ZCCHC14: variants seen among roughly 807,000 people sequenced by gnomAD.
ZCCHC14 encodes zinc finger CCHC-type containing 14, also known as zinc finger CCHC domain-containing protein 14.
In ZCCHC14, 16 loss-of-function variants were observed where a neutral mutation model predicts 85.0. The observed-to-expected ratio is 0.19, with a 90% confidence interval of 0.13 to 0.29. The LOEUF (loss-of-function observed/expected upper bound fraction) is 0.29. ZCCHC14 is among the 10% of genes least tolerant of loss of function. The pLI, the probability that ZCCHC14 is intolerant of heterozygous loss-of-function variation, is 1.00. For missense variants in ZCCHC14, 1,303 were observed against 1,443.5 expected (o/e 0.90, Z 1.58); for synonymous variants, 775 against 630.7 (o/e 1.23, Z -3.43).
Position 87,460,081 on chromosome 16 carries a change from C to A in ZCCHC14, c.621G>T (p.Glu207Asp). 1 of 1,614,174 alleles carries A rather than the reference C, an allele frequency of 6.2e-7. No homozygotes were observed. Among genetic ancestry groups the A allele is most frequent in the Non-Finnish European group, 8.5e-7 (1 of 1,180,026 alleles). Residue 207 changes from glutamate to aspartate, a missense_variant, in exon 2 of 13, where the codon GAG becomes GAT. Glu to Asp is a conservative substitution (Grantham distance 45, BLOSUM62 2). Around this residue, in one of 7 missense-constraint regions of ZCCHC14, gnomAD observed 389 missense variants for 397.8 expected, o/e 0.98. Transcript: ENST00000671377. The stretch of plus-strand genomic sequence containing the variant: ...AATGTGCTGATGTGTGCAGGGCATT[C>A]TCCAAACTATTACTGACACTGCTGA... ...APVSSVSNSL[E>D]NALHTSAHST...
In ZCCHC14 at chr16:87,492,773, C is replaced by T. The variant is rs1011616735; in HGVS notation, c.-535G>A. The stretch of plus-strand genomic sequence containing the variant: ...CGGGCCGCGGGCGCGGCGTCGCCGC[C>T]TGGGGAGCGCTGGGGGCCGCGGCCG... On this transcript the variant is annotated 5_prime_UTR_variant, in exon 1 of 13. Transcript: ENST00000671377. This position sits in a 1 kb window ranked among gnomAD's most constrained non-coding sequence, Gnocchi z 6.7. 1 of 147,022 alleles carries T rather than the reference C, an allele frequency of 6.8e-6. No homozygotes were observed. The highest frequency in any genetic ancestry group is 2.4e-5 in the African/African-American group (1 of 40,900). 9.1% of individuals were successfully genotyped at this position (147,022 alleles called of 1,614,324 possible). A position where few individuals can be genotyped will look rare whatever the true frequency, so the allele number is the denominator to read the frequency against.
chr16:87,473,862 C>T (rs1736638863), intron 1 of ZCCHC14: 2 of 152,036 alleles, frequency 1.3e-5, no homozygotes, highest in Admixed American at 1.3e-4. Flanking sequence ...CATCCAAGGT[C>T]CAGAAAGTGT....
intron 2 of ZCCHC14, among the ~76,000 whole-genome samples, chr16:87,434,173 T>C (rs1166985730): frequency 1.3e-5 from 2 of 152,238 alleles, no homozygotes; most frequent in Non-Finnish European, 2.9e-5. Context: ...GTGCGTGTTT[T>C]TCTCATCAAA....
intron 8 of ZCCHC14, 50 bp from the exon 9 acceptor site, chr16:87,415,417 C>G (rs770170618): frequency 3.2e-5 from 48 of 1,523,610 alleles, no homozygotes; most frequent in Non-Finnish European, 4.2e-5. Context: ...AAGTAGGACT[C>G]TGAGAACAAA....
chr16:87,479,499 T>C (rs756692448), intron 1 of ZCCHC14, among the ~76,000 whole-genome samples: 1 of 152,026 alleles, frequency 6.6e-6, no homozygotes, highest in Non-Finnish European at 1.5e-5. Flanking sequence ...CCCAAATAAT[T>C]AGACAAATGA....
At chr16:87,448,085 C>G (rs548216471) in intron 2 of ZCCHC14, among the ~76,000 whole-genome samples, 35 of 152,154 alleles carry the variant, frequency 2.3e-4, no homozygotes, top group Non-Finnish European at 4.3e-4. Context: ...GCTTGGAATG[C>G]ATACCATTCT....
intron 1 of ZCCHC14, among the ~76,000 whole-genome samples, chr16:87,490,141 C>A (rs1912687005): frequency 6.6e-6 from 1 of 152,014 alleles, no homozygotes; most frequent in Non-Finnish European, 1.5e-5. Context: ...GTCACACACA[C>A]AAAAATCAAT....
chr16:87,429,263 T>C (rs918885258), intron 3 of ZCCHC14, among the ~76,000 whole-genome samples: 1 of 152,196 alleles, frequency 6.6e-6, no homozygotes, highest in Non-Finnish European at 1.5e-5. Context: ...GTGGTTGACT[T>C]AGCATTTTCC....
chr16:87,413,916 C>T (rs1461133751), intron 10 of ZCCHC14, among the ~76,000 whole-genome samples: 2 of 152,248 alleles, frequency 1.3e-5, no homozygotes, highest in Non-Finnish European at 2.9e-5. Context: ...TTTGCCCAAG[C>T]AACTTCAGGG....
Position 87,473,707 on chromosome 16 carries a change from G to A in ZCCHC14, c.571-13576C>T, listed in dbSNP as rs369580811. The A allele has an allele frequency of 2.6e-5, 4 of 151,988 alleles. No individual in the cohort carries two copies. In the South Asian group the frequency reaches 6.2e-4, roughly 24 times the overall value. 9.4% of individuals were successfully genotyped at this position (151,988 alleles called of 1,614,324 possible). A position where few individuals can be genotyped will look rare whatever the true frequency, so the allele number is the denominator to read the frequency against. On this transcript the variant is annotated intron_variant, in intron 1 of 12. Coordinates refer to ENST00000671377, the MANE Select transcript of ZCCHC14 (RefSeq NM_015144.3). ...TGAGATGGACCATTCAAAGCAGTGA[G>A]CACGTTCAAGTGGCTGCTTTACAGT... is the stretch of plus-strand genomic sequence containing the variant.
intron 2 of ZCCHC14, among the ~76,000 whole-genome samples, chr16:87,450,683 G>A (rs1910655854): frequency 6.7e-6 from 1 of 150,024 alleles, no homozygotes; most frequent in Non-Finnish European, 1.5e-5. Flanking sequence ...CAGTTCTCCT[G>A]CCTCAGCCTC....
At chr16:87,433,085 C>T in intron 3 of ZCCHC14, 43 bp downstream of exon 3, 1 of 1,594,432 alleles carries the variant, frequency 6.3e-7, no homozygotes, top group Non-Finnish European at 8.6e-7. Context: ...GTGTTTTCTT[C>T]CTAGCCTTCC....
At chr16:87,477,153 C>CAAAAAAAAAAAAAAAAAAAAAAA (rs1412376609) in intron 1 of ZCCHC14, among the ~76,000 whole-genome samples, 5 of 116,206 alleles carry the variant, frequency 4.3e-5, no homozygotes, top group African/African-American at 2.2e-4. Flanking sequence ...AAAACAAAAC[C>CAAAAAAAAAAAAAAAAAAAAAAA]AAAAAAAAAT....
chr16:87,456,532 CCAAAA>C (rs1910974397), intron 2 of ZCCHC14, among the ~76,000 whole-genome samples: 1 of 7,836 alleles, frequency 1.3e-4, no homozygotes, highest in African/African-American at 1.5e-4. Flanking sequence ...GACTCTGTCT[CCAAAA>C]AAAAAAAAAA....
intron 8 of ZCCHC14, among the ~76,000 whole-genome samples, chr16:87,417,056 G>A (rs1300580240): frequency 3.3e-5 from 5 of 152,160 alleles, no homozygotes; most frequent in African/African-American, 1.2e-4. Flanking sequence ...AGGTACGACT[G>A]CTTGGAAGAT....
In ZCCHC14 at chr16:87,479,799, TGCCACGCG is replaced by T. The variant is rs1912183543; in HGVS notation, c.570+11862_570+11869del. ...AGACAAGGCCACCAAAGCATCATGA[TGCCACGCG>T]GCTTCTTCCGAGCTCTCAGCTGACG... On this transcript the variant is annotated intron_variant, in intron 1 of 12. Transcript: ENST00000671377. 1.3e-5 allele frequency among the ~76,000 whole-genome samples: 2 copies of T among 152,196 alleles called. 1 individual carries two copies. Among genetic ancestry groups the T allele is most frequent in the South Asian group, 4.1e-4 (2 of 4,830 alleles).
chr16:87,480,411 T>A (rs868321176), intron 1 of ZCCHC14, among the ~76,000 whole-genome samples: 1 of 151,794 alleles, frequency 6.6e-6, no homozygotes. Context: ...TCAAAAAAAA[T>A]AAATAAATAA....
intron 1 of ZCCHC14, among the ~76,000 whole-genome samples, chr16:87,461,505 T>A (rs1047365924): frequency 6.6e-5 from 10 of 152,206 alleles, no homozygotes; most frequent in Non-Finnish European, 2.9e-5. Context: ...GGAAAGTACA[T>A]GGCACAAGCA....
intron 2 of ZCCHC14, among the ~76,000 whole-genome samples, chr16:87,450,855 C>T (rs1359478797): frequency 6.6e-6 from 1 of 151,448 alleles, no homozygotes; most frequent in Admixed American, 6.6e-5. Flanking sequence ...TGCGCATGGT[C>T]TGATAATATT....
Sources: allele counts gnomAD v4.1 joint callset (sites outside exome capture counted in the v4.1 genomes callset), GRCh38; gene constraint gnomAD v4.1.1; regional missense constraint gnomAD v4.1.1; non-coding constraint Gnocchi (gnomAD v3.1); transcripts MANE v1.5; gene names NCBI Gene and HGNC (gene_info 2026-07-23, HGNC 2026-07-21).